CLUAP1: variants seen among roughly 807,000 people sequenced by gnomAD.
CLUAP1 encodes the protein intraflagellar transport 38.
In CLUAP1, 50 loss-of-function variants were observed where a neutral mutation model predicts 55.0. The observed-to-expected ratio is 0.91, with a 90% CI of 0.72 to 1.15. The LOEUF (loss-of-function observed/expected upper bound fraction) is 1.15. Among genes scored for constraint, CLUAP1 ranks in the 50% most tolerant of loss-of-function variants. The probability of loss-of-function intolerance (pLI) is 0.00; values close to 1 mark genes in which losing one functional copy is unlikely to be tolerated. For missense variants in CLUAP1, 530 were observed against 507.6 expected (o/e 1.04, Z -0.42); for synonymous variants, 195 against 175.4 (o/e 1.11, Z -0.88).
chr16:3,523,270 C>G lies in CLUAP1; in HGVS notation c.826C>G (p.His276Asp), dbSNP rs2037875683. ...LTYLEQQLED[H>D]HRMEQERFEE... ...TTATCTGGAACAACAGCTTGAAGAC[C>G]ATCATAGGATGGAGCAAGAAAGGTT... is the stretch of plus-strand genomic sequence containing the variant. The change falls in exon 8 of 12, where the codon CAT becomes GAT. Residue 276 changes from histidine to aspartate, a missense_variant. Coordinates refer to ENST00000576634, the MANE Select transcript of CLUAP1 (RefSeq NM_015041.3). 1.2e-6 allele frequency: 2 copies of G among 1,613,062 alleles called. No individual in the cohort carries two copies. Among genetic ancestry groups the G allele is most frequent in the Non-Finnish European group, 1.7e-6 (2 of 1,179,752 alleles).
At chr16:3,520,311 G>A (rs2151057593) in intron 7 of CLUAP1, among the ~76,000 whole-genome samples, 1 of 152,170 alleles carries the variant, frequency 6.6e-6, no homozygotes, top group African/African-American at 2.4e-5. Flanking sequence ...GGTTGAGGCT[G>A]CAGTGAGCTA....
chr16:3,533,217 A>G lies in CLUAP1; in HGVS notation c.1092+376A>G, dbSNP rs375421570. ...TCTGTCAGCCCTCCCGGGGCCAGCC[A>G]GGGGCCTCTCCCTAGGAGTGATGCT... On this transcript the variant is annotated intron_variant, in intron 11 of 11. Coordinates refer to ENST00000576634, the MANE Select transcript of CLUAP1 (RefSeq NM_015041.3). 4.7e-5 allele frequency: 63 copies of G among 1,336,336 alleles called. 1 individual carries two copies. Among genetic ancestry groups the G allele is most frequent in the East Asian group, 2.5e-4 (10 of 40,004 alleles). 82.8% of individuals were successfully genotyped at this position (1,336,336 alleles called of 1,614,324 possible).
In CLUAP1 at chr16:3,520,018, A is replaced by G. The variant is rs773096038; in HGVS notation, c.695A>G (p.Glu232Gly). 2.5e-6 allele frequency: 4 copies of G among 1,611,808 alleles called. No individual in the cohort carries two copies. The African/African-American group carries it at 5.4e-5, about 22-fold the overall frequency. The change falls in exon 7 of 12, where the codon GAG (glutamate) becomes GGG (glycine). Residue 232 changes from glutamate (E) to glycine (G), a missense_variant. Glu to Gly is a moderately conservative substitution (Grantham distance 98). Coordinates refer to ENST00000576634, the MANE Select transcript of CLUAP1 (RefSeq NM_015041.3). ...LELERNRKRL[E>G]TLQSVRPCFM... The stretch of plus-strand genomic sequence containing the variant: ...CTGGAAAGAAATCGGAAGCGACTAG[A>G]GACTCTGCAGAGTGTCAGGTAGATA...
In CLUAP1 at chr16:3,538,057, C is replaced by T. The variant is rs2038270316; in HGVS notation, c.*1786C>T. ...ATAAAAAAGCACAAAACAGTTTTCACTTATTTTACAATTAAAAAGTCAGAA... is the reference window on the plus strand; with the variant it reads ...ATAAAAAAGCACAAAACAGTTTTCATTTATTTTACAATTAAAAAGTCAGAA... On this transcript the variant is annotated 3_prime_UTR_variant, in exon 12 of 12. Transcript: ENST00000576634. 6.8e-6 allele frequency: 1 copy of T among 147,706 alleles called. No individual in the cohort carries two copies. Among genetic ancestry groups the T allele is most frequent in the African/African-American group, 2.5e-5 (1 of 40,402 alleles). The allele number at this position is 147,706 out of a possible 1,614,324, so 9.1% of individuals were successfully genotyped here.
chr16:3,508,212 A>G (rs2037546039), intron 3 of CLUAP1, 77 bp from the exon 4 acceptor site: 1 of 1,328,084 alleles, frequency 7.5e-7, no homozygotes, highest in African/African-American at 1.5e-5. Flanking sequence ...GGCATTTTCA[A>G]CTCACCTACA....
At chr16:3,524,596 CAAAAAAAAAAA>C (rs755040158) in intron 8 of CLUAP1, among the ~76,000 whole-genome samples, 8 of 34,286 alleles carry the variant, frequency 2.3e-4, no homozygotes, top group African/African-American at 5.0e-4. Context: ...GACACCATCT[CAAAAAAAAAAA>C]AAAAAAAAAA....
intron 7 of CLUAP1, among the ~76,000 whole-genome samples, chr16:3,520,535 C>T (rs764410600): frequency 2.6e-5 from 4 of 152,150 alleles, no homozygotes; most frequent in Non-Finnish European, 5.9e-5. Flanking sequence ...GATGGCTAAA[C>T]TCATTCTCTT....
At chr16:3,532,433 G>T (rs2038142506) in intron 10 of CLUAP1, among the ~76,000 whole-genome samples, 1 of 63,000 alleles carries the variant, frequency 1.6e-5, no homozygotes, top group Non-Finnish European at 2.8e-5. Flanking sequence ...TTTTTTTTTG[G>T]AGACAGAATC....
chr16:3,524,994 G>A (rs1387901850), intron 8 of CLUAP1, among the ~76,000 whole-genome samples: 1 of 152,126 alleles, frequency 6.6e-6, no homozygotes, highest in Non-Finnish European at 1.5e-5. Flanking sequence ...GGTTATGCTA[G>A]GCTTCTTACA....
At position 3,504,815 on chromosome 16, in the gene CLUAP1, C is replaced by T; in HGVS notation, c.118C>T (p.Leu40Phe). The change falls in exon 2 of 12, where the codon CTC (leucine) becomes TTC (phenylalanine). Residue 40 changes from leucine (L) to phenylalanine (F), a missense_variant. Leu to Phe is a conservative substitution (Grantham distance 22). Coordinates refer to ENST00000576634, the MANE Select transcript of CLUAP1 (RefSeq NM_015041.3). ...PNFGLVSEVL[L>F]WLVKRYEPQT... is the part of the protein sequence containing the mutation. ...TTTTGGACTTGTATCTGAAGTGCTT[C>T]TCTGGCTTGTGAAAAGGTTCGAACG... is the stretch of plus-strand genomic sequence containing the variant. The T allele has an allele frequency of 6.2e-7, 1 of 1,606,438 alleles. No homozygotes were observed. Among genetic ancestry groups the T allele is most frequent in the South Asian group, 1.1e-5 (1 of 90,896 alleles).
At chr16:3,502,763 G>A (rs951392264) in intron 1 of CLUAP1, among the ~76,000 whole-genome samples, 3 of 152,148 alleles carry the variant, frequency 2.0e-5, no homozygotes, top group South Asian at 2.1e-4. Flanking sequence ...CCTGCCGGGG[G>A]ACGTAGAATG....
intron 6 of CLUAP1, among the ~76,000 whole-genome samples, chr16:3,519,067 C>T (rs952627571): frequency 6.6e-5 from 10 of 152,222 alleles, no homozygotes; most frequent in Admixed American, 2.0e-4. Flanking sequence ...AGATTGGAGC[C>T]TGAACCCCAG....
intron 8 of CLUAP1, among the ~76,000 whole-genome samples, chr16:3,524,917 T>G (rs561592152): frequency 6.6e-6 from 1 of 152,230 alleles, no homozygotes; most frequent in Non-Finnish European, 1.5e-5. Context: ...TCATTTAGAC[T>G]CCATTTTCAT....
intron 5 of CLUAP1, among the ~76,000 whole-genome samples, chr16:3,515,134 A>G (rs970895240): frequency 1.3e-5 from 2 of 152,116 alleles, no homozygotes; most frequent in Admixed American, 6.5e-5. Flanking sequence ...TGGGAGACCA[A>G]GGAACGTGGA....
chr16:3,524,608 A>G (rs1246813725), intron 8 of CLUAP1, among the ~76,000 whole-genome samples: 2 of 151,648 alleles, frequency 1.3e-5, no homozygotes, highest in East Asian at 3.9e-4. Context: ...AAAAAAAAAA[A>G]AAAAAAAAAA....
chr16:3,497,693 G>T (rs1021380046), upstream of CLUAP1, among the ~76,000 whole-genome samples: 1 of 152,096 alleles, frequency 6.6e-6, no homozygotes, highest in Non-Finnish European at 1.5e-5. Context: ...ACATGATCAC[G>T]GCTCACTGCA....
At chr16:3,504,408 G>A (rs2037463885) in intron 1 of CLUAP1, among the ~76,000 whole-genome samples, 1 of 152,172 alleles carries the variant, frequency 6.6e-6, no homozygotes, top group Non-Finnish European at 1.5e-5. Flanking sequence ...AAGGACGGGT[G>A]TTTCTTCCTT....
At chr16:3,518,501 A>T (rs2037771600) in intron 6 of CLUAP1, among the ~76,000 whole-genome samples, 1 of 152,234 alleles carries the variant, frequency 6.6e-6, no homozygotes, top group South Asian at 2.1e-4. Context: ...GTGTTTACAC[A>T]GCTGTTTTGC....
intron 1 of CLUAP1, among the ~76,000 whole-genome samples, chr16:3,504,504 A>C (rs566200672): frequency 1.5e-4 from 23 of 152,338 alleles, no homozygotes; most frequent in African/African-American, 5.5e-4. Flanking sequence ...ATAGCCATCT[A>C]CTTCTCCCAT....
Sources: gnomAD v4.1 joint callset for allele counts (sites outside exome capture counted in the v4.1 genomes callset) on GRCh38, gnomAD v4.1.1 for gene constraint, MANE v1.5 for transcripts, NCBI Gene and HGNC (gene_info 2026-07-23, HGNC 2026-07-21) for gene names.